Variants in RASA4 observed in about 807,000 individuals in gnomAD.
RASA4 encodes the protein RAS p21 protein activator 4, also known as ras GTPase-activating protein 4.
A neutral mutation model predicts 24.0 loss-of-function variants in RASA4; 5 were observed. The ratio of observed to expected loss-of-function variants is 0.21; its 90% CI spans 0.11 to 0.44. RASA4 has a LOEUF of 0.44. Among genes scored for constraint, RASA4 ranks in the 20% least tolerant of loss-of-function variants. The probability of loss-of-function intolerance (pLI) is 0.99; values close to 1 mark genes in which losing one functional copy is unlikely to be tolerated. For missense variants in RASA4, 38 were observed against 293.0 expected, an observed-to-expected ratio of 0.13 and a Z score of 6.35; for synonymous variants, 9 against 132.7, an observed-to-expected ratio of 0.07 and a Z score of 6.41.
chr7:102,595,277 A>T (rs1356764533), intron 11 of RASA4, 28 bp downstream of exon 11: 1 of 1,386,150 alleles, frequency 7.2e-7, no homozygotes, highest in South Asian at 1.3e-5. Flanking sequence ...CATTTGCAAG[A>T]TGAGGACAAT....
At chr7:102,613,782 C>G (rs1485414683) in intron 1 of RASA4, among the ~76,000 whole-genome samples, 3 of 152,024 alleles carry the variant, frequency 2.0e-5, no homozygotes, top group Admixed American at 6.5e-5. Context: ...AGCCTTGGGC[C>G]AGTCCCCAAG....
chr7:102,604,013 A>C (rs1439500704), intron 5 of RASA4, among the ~76,000 whole-genome samples: 2 of 147,746 alleles, frequency 1.4e-5, no homozygotes, highest in African/African-American at 4.9e-5. Flanking sequence ...AAATACAAAA[A>C]ATTAGCCGGG....
intron 5 of RASA4, among the ~76,000 whole-genome samples, chr7:102,603,910 C>T (rs1183393889): frequency 2.0e-5 from 3 of 150,884 alleles, no homozygotes; most frequent in African/African-American, 7.2e-5. Context: ...CGCCTGTAAT[C>T]CCAGTACTTT....
intron 5 of RASA4, among the ~76,000 whole-genome samples, chr7:102,603,608 C>G (rs1293340544): frequency 6.6e-6 from 1 of 152,232 alleles, no homozygotes; most frequent in Non-Finnish European, 1.5e-5. Context: ...AACACCAAAG[C>G]CCACTCATCT....
At chr7:102,606,629 G>A (rs1158801786) in intron 4 of RASA4, among the ~76,000 whole-genome samples, 1 of 80,348 alleles carries the variant, frequency 1.2e-5, no homozygotes, top group Non-Finnish European at 2.7e-5. Flanking sequence ...CTACAAGATT[G>A]CGCCATTGCA....
intron 5 of RASA4, among the ~76,000 whole-genome samples, chr7:102,603,552 C>A (rs1790464930): frequency 1.3e-5 from 2 of 152,110 alleles, no homozygotes; most frequent in African/African-American, 2.4e-5. Flanking sequence ...CTGGAGTGAG[C>A]CACTGCACCC....
At chr7:102,602,992 G>C (rs1236618246) in intron 5 of RASA4, among the ~76,000 whole-genome samples, 3 of 150,430 alleles carry the variant, frequency 2.0e-5, no homozygotes, top group Non-Finnish European at 4.4e-5. Context: ...ACGGAGTCTC[G>C]CTCTGTCGCC....
chr7:102,590,949 A>G (rs1789965198), intron 16 of RASA4, among the ~76,000 whole-genome samples: 1 of 148,358 alleles, frequency 6.7e-6, no homozygotes, highest in Non-Finnish European at 1.5e-5. Flanking sequence ...TCAAAAAAAA[A>G]AAAAAAAATG....
intron 16 of RASA4, among the ~76,000 whole-genome samples, chr7:102,590,918 C>G (rs1268242527): frequency 1.6e-5 from 2 of 123,690 alleles, no homozygotes; most frequent in Admixed American, 8.3e-5. Flanking sequence ...CTGGCCTGGG[C>G]AACAAAAGCG....
chr7:102,606,393 CTCAAAAAAAAAA>C (rs1677984200), intron 4 of RASA4, among the ~76,000 whole-genome samples: 1 of 17,138 alleles, frequency 5.8e-5, no homozygotes, highest in Non-Finnish European at 1.8e-4. Context: ...AAGACCCCAT[CTCAAAAAAAAAA>C]AAAAAAAAAA....
intron 4 of RASA4, among the ~76,000 whole-genome samples, chr7:102,606,394 TCAAAAAAA>T (rs1790661043): frequency 1.5e-4 from 1 of 6,496 alleles, no homozygotes; most frequent in East Asian, 6.6e-3. Context: ...AGACCCCATC[TCAAAAAAA>T]AAAAAAAAAA....
rs1801456237 is a variant in RASA4, at chr7:102,579,938, CT to C, written c.*2832del. 1 of 139,056 alleles carries C rather than the reference CT, an allele frequency of 7.2e-6. No homozygotes were observed. Among genetic ancestry groups the C allele is most frequent in the Non-Finnish European group, 1.6e-5 (1 of 63,054 alleles). The allele number at this position is 139,056 out of a possible 1,614,324, so 8.6% of individuals were successfully genotyped here. A position where few individuals can be genotyped will look rare whatever the true frequency, so the allele number is the denominator to read the frequency against. On this transcript the variant is annotated 3_prime_UTR_variant, in exon 21 of 21. Coordinates refer to ENST00000262940, the MANE Select transcript of RASA4 (RefSeq NM_006989.6). The stretch of plus-strand genomic sequence containing the variant: ...GACGCTTACAACACAACTGCAATAT[CT>C]TTTTTGTTTGTTTGTTTGTTTTTGT...
chr7:102,580,986 C>T lies in RASA4; in HGVS notation c.*1785G>A, dbSNP rs1254854907. On this transcript the variant is annotated 3_prime_UTR_variant, in exon 21 of 21. Transcript: ENST00000262940. ...TCTGGGGGTCCCAGTTTCGTGATCT[C>T]TTCTTCCCTTTCCTTCCTGGTAGCT... 2 of 81,634 alleles carry T rather than the reference C, an allele frequency of 2.4e-5. No individual in the cohort carries two copies. Among genetic ancestry groups the T allele is most frequent in the East Asian group, 6.7e-4 (1 of 1,492 alleles). The allele number at this position is 81,634 out of a possible 1,614,324, so 5.1% of individuals were successfully genotyped here. A position where few individuals can be genotyped will look rare whatever the true frequency, so the allele number is the denominator to read the frequency against.
chr7:102,608,276 T>TTTTA (rs372805684), intron 4 of RASA4, among the ~76,000 whole-genome samples: 3 of 63,496 alleles, frequency 4.7e-5, no homozygotes, highest in East Asian at 4.0e-4. Context: ...GCCTTTTTTT[T>TTTTA]AAAAAAAAAC....
intron 11 of RASA4, among the ~76,000 whole-genome samples, chr7:102,594,851 CTTAAATT>C (rs1224547920): frequency 7.2e-5 from 3 of 41,386 alleles, no homozygotes; most frequent in African/African-American, 1.5e-4. Context: ...CTGTCTCTAA[CTTAAATT>C]TTAATCACAC....
chr7:102,580,115 A>C lies in RASA4; in HGVS notation c.*2656T>G, dbSNP rs1418926501. 1 of 329,222 alleles carries C rather than the reference A, an allele frequency of 3.0e-6. No individual in the cohort carries two copies. The highest frequency in any genetic ancestry group is 2.2e-5 in the African/African-American group (1 of 46,092). 20.4% of individuals were successfully genotyped at this position (329,222 alleles called of 1,614,324 possible). On this transcript the variant is annotated 3_prime_UTR_variant, in exon 21 of 21. Coordinates refer to ENST00000262940, the MANE Select transcript of RASA4 (RefSeq NM_006989.6). ...GTATCTTATCACACCTTTAAAAATTAATAATTCCAATCATCCTATAGTTGA... is the reference window on the plus strand; with the variant it reads ...GTATCTTATCACACCTTTAAAAATTCATAATTCCAATCATCCTATAGTTGA...
chr7:102,612,274 C>T (rs1218952080), intron 1 of RASA4: 3 of 148,882 alleles, frequency 2.0e-5, no homozygotes, highest in East Asian at 2.1e-4. Context: ...TACCTGGGGG[C>T]GGGGAGCATG....
rs1789633916 is a variant in RASA4, at chr7:102,580,397, T to C, written c.*2374A>G. 1 of 102,218 alleles carries C rather than the reference T, an allele frequency of 9.8e-6. No homozygotes were observed. The highest frequency in any genetic ancestry group is 1.1e-4 in the Admixed American group (1 of 8,732). The allele number at this position is 102,218 out of a possible 1,614,324, so 6.3% of individuals were successfully genotyped here. On this transcript the variant is annotated 3_prime_UTR_variant, in exon 21 of 21. Coordinates refer to ENST00000262940, the MANE Select transcript of RASA4 (RefSeq NM_006989.6). ...AAGTCTCCTTTATTTTCCTTTTTTT[T>C]TTTTTTTTTTTTTTAATTTTAGGGA... is the stretch of plus-strand genomic sequence containing the variant.
chr7:102,603,865 C>CAAAA (rs60895813), intron 5 of RASA4, among the ~76,000 whole-genome samples: 27 of 80,046 alleles, frequency 3.4e-4, no homozygotes, highest in African/African-American at 4.9e-4. Context: ...AAAAAACCAC[C>CAAAA]AAAAAAAAAA....
Sources: allele counts gnomAD v4.1 joint callset (sites outside exome capture counted in the v4.1 genomes callset), GRCh38; gene constraint gnomAD v4.1.1; transcripts MANE v1.5; gene names NCBI Gene and HGNC (gene_info 2026-07-23, HGNC 2026-07-21).